The following NBEAL1 variants were observed in gnomAD, a reference collection of about 807,000 sequenced individuals.
NBEAL1 encodes the protein neurobeachin like 1.
Under a neutral mutation model 351.3 loss-of-function variants are expected in NBEAL1, and 273 were observed. That is an observed-to-expected ratio of 0.78 (90% CI 0.70 to 0.86). The LOEUF (loss-of-function observed/expected upper bound fraction) is 0.86. Ranked by LOEUF, NBEAL1 falls within the 40% of genes least tolerant of loss-of-function variation. NBEAL1 has a pLI of 0.00. For synonymous variants in NBEAL1, 1,050 were observed against 1,086.4 expected (o/e 0.97, Z 0.66); for missense variants, 2,961 against 3,201.3 (o/e 0.92, Z 1.81).
chr2:203,084,136 T>C (rs1291424150), intron 9 of NBEAL1, among the ~76,000 whole-genome samples: 1 of 152,118 alleles, frequency 6.6e-6, no homozygotes, highest in African/African-American at 2.4e-5. Flanking sequence ...TGTGTTCCCA[T>C]GTAAGGTTGT....
chr2:203,111,184 A>T (rs990391688), intron 15 of NBEAL1, among the ~76,000 whole-genome samples: 10 of 152,102 alleles, frequency 6.6e-5, no homozygotes, highest in African/African-American at 2.4e-4. Context: ...TTGAAAAATT[A>T]GTTGGGTGAG....
At chr2:203,178,399 T>G (rs2106433068) in intron 42 of NBEAL1, among the ~76,000 whole-genome samples, 1 of 152,260 alleles carries the variant, frequency 6.6e-6, no homozygotes. Context: ...ACTCCTGATC[T>G]CAAGTGATCT....
intron 10 of NBEAL1, among the ~76,000 whole-genome samples, chr2:203,089,042 C>T (rs2062017424): frequency 6.6e-6 from 1 of 151,864 alleles, no homozygotes; most frequent in Non-Finnish European, 1.5e-5. Context: ...GTAAGGAGAA[C>T]AGAAAAGAAA....
intron 55 of NBEAL1, 73 bp downstream of exon 55, chr2:203,213,726 A>G: frequency 6.3e-7 from 1 of 1,589,412 alleles, no homozygotes; most frequent in Non-Finnish European, 8.5e-7. Context: ...ATTCCAACTG[A>G]TTGAGAAGTC....
At chr2:203,037,235 T>C (rs1053828033) in intron 2 of NBEAL1, among the ~76,000 whole-genome samples, 1 of 149,268 alleles carries the variant, frequency 6.7e-6, no homozygotes, top group African/African-American at 2.4e-5. Flanking sequence ...AATGCTTTTA[T>C]TTCGGGGAAA....
chr2:203,084,512 C>A lies in NBEAL1; in HGVS notation c.1041C>A (p.Ala347=). 6.5e-7 allele frequency: 1 copy of A among 1,545,400 alleles called. No individual in the cohort carries two copies. The highest frequency in any genetic ancestry group is 2.4e-5 in the East Asian group (1 of 41,370). ...GTACAGATAGACCTGTTCTTCAGGC[C>A]ATTTTTCTTAACAGCAATTGCTTTG... ...LDCTDRPVLQ[A]IFLNSNCFEH... Residue 347 remains alanine, a synonymous_variant, in exon 10 of 56, where the codon GCC becomes GCA. Transcript: ENST00000683969.
At chr2:203,089,536 G>A (rs1255504290) in intron 10 of NBEAL1, among the ~76,000 whole-genome samples, 1 of 152,110 alleles carries the variant, frequency 6.6e-6, no homozygotes, top group Admixed American at 6.6e-5. Context: ...GCCATCTAGC[G>A]ATCACCAACT....
Position 203,209,276 on chromosome 2 carries a change from G to A in NBEAL1, c.7739G>A (p.Gly2580Glu). 1 of 1,613,958 alleles carries A rather than the reference G, an allele frequency of 6.2e-7. No individual in the cohort carries two copies. Among genetic ancestry groups the A allele is most frequent in the Non-Finnish European group, 8.5e-7 (1 of 1,179,922 alleles). The change falls in exon 53 of 56, where the codon GGA becomes GAA. Residue 2580 changes from glycine to glutamate, a missense_variant. Transcript: ENST00000683969. ...TIPNLAISWE[G>E]HIVVYSSTEE... ...CCTAATTTGGCTATATCTTGGGAAG[G>A]ACATATTGTTGTCTACTCCAGCACT...
At chr2:203,130,521 G>A in intron 25 of NBEAL1, 45 bp downstream of exon 25, 1 of 1,289,578 alleles carries the variant, frequency 7.8e-7, no homozygotes, top group South Asian at 2.6e-5. Context: ...GGCGTTTGTG[G>A]GTATATGAAT....
intron 38 of NBEAL1, among the ~76,000 whole-genome samples, chr2:203,169,012 G>A (rs977649856): frequency 1.3e-5 from 2 of 151,664 alleles, no homozygotes; most frequent in African/African-American, 4.9e-5. Context: ...AGTACTATAA[G>A]GATAGGTATT....
intron 4 of NBEAL1, among the ~76,000 whole-genome samples, chr2:203,053,518 G>GTTA (rs1413886050): frequency 6.6e-6 from 1 of 151,892 alleles, no homozygotes; most frequent in Admixed American, 6.6e-5. Context: ...TGTTGTTGTT[G>GTTA]TTTTGAGACA....
intron 10 of NBEAL1, among the ~76,000 whole-genome samples, chr2:203,090,787 G>T (rs2062048739): frequency 6.6e-6 from 1 of 152,126 alleles, no homozygotes; most frequent in Non-Finnish European, 1.5e-5. Flanking sequence ...TACCTGGGAG[G>T]CTGAGGCAAG....
intron 18 of NBEAL1, among the ~76,000 whole-genome samples, chr2:203,121,751 G>T (rs1332967143): frequency 6.6e-6 from 1 of 151,570 alleles, no homozygotes; most frequent in Non-Finnish European, 1.5e-5. Flanking sequence ...TTCTAAGTGG[G>T]TGCTTTAGAA....
intron 3 of NBEAL1, among the ~76,000 whole-genome samples, chr2:203,049,377 A>G (rs992582659): frequency 1.3e-5 from 2 of 152,160 alleles, no homozygotes; most frequent in Admixed American, 1.3e-4. Context: ...ATATTAAACT[A>G]GTTATGTAGA....
intron 18 of NBEAL1, among the ~76,000 whole-genome samples, chr2:203,117,240 G>A (rs558541380): frequency 7.4e-4 from 113 of 152,236 alleles, no homozygotes; most frequent in African/African-American, 7.9e-4. Context: ...CGAGGCGGGC[G>A]GATCACGAGG....
intron 42 of NBEAL1, among the ~76,000 whole-genome samples, chr2:203,177,580 C>T (rs1342800170): frequency 2.0e-5 from 3 of 152,106 alleles, no homozygotes; most frequent in Non-Finnish European, 4.4e-5. Flanking sequence ...ACTTCACACC[C>T]ACTATGATAG....
intron 55 of NBEAL1, among the ~76,000 whole-genome samples, chr2:203,215,353 A>T (rs1428931496): frequency 6.6e-6 from 1 of 152,136 alleles, no homozygotes; most frequent in Non-Finnish European, 1.5e-5. Flanking sequence ...ACAAAAAAAA[A>T]TTAGCTGGGC....
chr2:203,108,006 A>G lies in NBEAL1; in HGVS notation c.1767A>G (p.Lys589=). 1 of 1,554,412 alleles carries G rather than the reference A, an allele frequency of 6.4e-7. No individual in the cohort carries two copies. Among genetic ancestry groups the G allele is most frequent in the Non-Finnish European group, 8.7e-7 (1 of 1,147,902 alleles). ...VTRAILTMAR[K]LSLESALQYF... is the part of the protein sequence containing the mutation. Reference sequence around the variant, plus strand: ...GAGCAATCCTGACAATGGCCCGAAAACTAAGTCTAGAGAGTGCCCTCCAGT... The same window carrying G: ...GAGCAATCCTGACAATGGCCCGAAAGCTAAGTCTAGAGAGTGCCCTCCAGT... Residue 589 remains lysine (K), a synonymous_variant, in exon 14 of 56, where the codon AAA becomes AAG. Transcript: ENST00000683969.
intron 46 of NBEAL1, among the ~76,000 whole-genome samples, chr2:203,192,150 T>A (rs1476320085): frequency 6.6e-6 from 1 of 152,176 alleles, no homozygotes; most frequent in Non-Finnish European, 1.5e-5. Context: ...TACAGAATAG[T>A]CATATGTGAA....
Sources: gnomAD v4.1 joint callset for allele counts (sites outside exome capture counted in the v4.1 genomes callset) on GRCh38, gnomAD v4.1.1 for gene constraint, MANE v1.5 for transcripts, NCBI Gene and HGNC (gene_info 2026-07-23, HGNC 2026-07-21) for gene names.